The following ITGA6 variants were observed in gnomAD, a reference collection of about 807,000 sequenced individuals.
The protein encoded by ITGA6 is integrin subunit alpha 6.
In ITGA6, 63 loss-of-function variants were observed where a neutral mutation model predicts 133.6. The ratio of observed to expected loss-of-function variants is 0.47; its 90% confidence interval spans 0.38 to 0.58. The LOEUF (loss-of-function observed/expected upper bound fraction) is 0.58, where lower values mean the gene tolerates loss of function less well. Among genes scored for constraint, ITGA6 ranks in the 20% least tolerant of loss-of-function variants. ITGA6 has a pLI of 0.00. For synonymous variants in ITGA6, 434 were observed against 482.0 expected (o/e 0.90, Z 1.30); for missense variants, 1,068 against 1,309.4 (o/e 0.82, Z 2.85).
intron 18 of ITGA6, 22 bp from the exon 19 acceptor site, chr2:172,488,104 C>G: frequency 1.2e-6 from 2 of 1,609,854 alleles, no homozygotes; most frequent in Non-Finnish European, 1.7e-6. Flanking sequence ...CTCATTAAAA[C>G]TGGTGTTTTT....
Position 172,456,552 on chromosome 2 carries a change from A to G in ITGA6, c.183-8987A>G, listed in dbSNP as rs115600897. ...GTATGATCCAGGACTGTCCTGGGGAAACCTGGACATATGGCCAGCCTAGCT... is the reference window on the plus strand; with the variant it reads ...GTATGATCCAGGACTGTCCTGGGGAGACCTGGACATATGGCCAGCCTAGCT... On this transcript the variant is annotated intron_variant, in intron 1 of 25. Coordinates refer to ENST00000684293, the MANE Select transcript of ITGA6 (RefSeq NM_000210.4). Among the ~76,000 whole-genome samples, 1,254 of 152,334 alleles carry G rather than the reference A, an allele frequency of 8.2e-3. 11 individuals are homozygous for G. Among genetic ancestry groups the G allele is most frequent in the African/African-American group, 0.028 (1,166 of 41,572 alleles).
At chr2:172,485,958 C>T (rs1489558405) in intron 13 of ITGA6, among the ~76,000 whole-genome samples, 1 of 152,150 alleles carries the variant, frequency 6.6e-6, no homozygotes, top group African/African-American at 2.4e-5. Flanking sequence ...GGGCAGGTCA[C>T]TTGAGGTTAG....
intron 1 of ITGA6, among the ~76,000 whole-genome samples, chr2:172,445,262 G>A (rs566449551): frequency 1.7e-4 from 25 of 151,350 alleles, no homozygotes; most frequent in Admixed American, 1.2e-3. Flanking sequence ...CACTGTGCCC[G>A]GCTGGTATTT....
chr2:172,475,235 A>G, intron 7 of ITGA6, 113 bp downstream of exon 7: 1 of 769,148 alleles, frequency 1.3e-6, no homozygotes, highest in Non-Finnish European at 2.3e-6. Flanking sequence ...TGGGAGGCTG[A>G]GGTGGGCGGA....
At chr2:172,431,385 T>C (rs1574307773) in intron 1 of ITGA6, among the ~76,000 whole-genome samples, 2 of 152,322 alleles carry the variant, frequency 1.3e-5, no homozygotes, top group East Asian at 3.9e-4. Flanking sequence ...AGCATCTGAA[T>C]TTTGGAAGTG....
At chr2:172,430,506 G>A (rs1388528416) in intron 1 of ITGA6, among the ~76,000 whole-genome samples, 2 of 152,202 alleles carry the variant, frequency 1.3e-5, no homozygotes, top group Non-Finnish European at 2.9e-5. Context: ...GGAAGGAGAA[G>A]TAAAATATCA....
chr2:172,474,183 C>G lies in ITGA6; in HGVS notation c.904C>G (p.Leu302Val). 1 of 1,614,120 alleles carries G rather than the reference C, an allele frequency of 6.2e-7. No homozygotes were observed. The highest frequency in any genetic ancestry group is 8.5e-7 in the Non-Finnish European group (1 of 1,180,024). Residue 302 changes from leucine to valine, a missense_variant, in exon 6 of 26, where the codon CTC becomes GTC. Transcript: ENST00000684293. ...GAGAGACATGAAGTCTGCACATCTC[C>G]TCCCTGAGCACATATTCGATGGAGA... The part of the protein sequence containing the change: ...LKRDMKSAHL[L>V]PEHIFDGEGL...
chr2:172,464,131 A>C, intron 1 of ITGA6: 1 of 152,296 alleles, frequency 6.6e-6, no homozygotes, highest in Non-Finnish European at 1.5e-5. Flanking sequence ...TGCTGGGGCT[A>C]TGTGTTATCC....
At chr2:172,483,541 TA>T (rs969348357) in intron 11 of ITGA6, among the ~76,000 whole-genome samples, 2 of 152,308 alleles carry the variant, frequency 1.3e-5, no homozygotes, top group Non-Finnish European at 2.9e-5. Flanking sequence ...TTAATGAATG[TA>T]AGTAATTTAA....
intron 5 of ITGA6, among the ~76,000 whole-genome samples, chr2:172,471,418 C>T (rs139637928): frequency 2.0e-5 from 3 of 152,292 alleles, no homozygotes; most frequent in East Asian, 3.9e-4. Flanking sequence ...TGAAACAGGC[C>T]GCTCATGCAG....
chr2:172,437,808 A>C (rs1198111937), intron 1 of ITGA6, among the ~76,000 whole-genome samples: 2 of 151,804 alleles, frequency 1.3e-5, no homozygotes, highest in African/African-American at 4.8e-5. Context: ...GGTTAGGGAG[A>C]GCCCTGGAGA....
Position 172,427,938 on chromosome 2 carries a change from G to A in ITGA6, c.150G>A (p.Met50Ile), listed in dbSNP as rs751546962. The A allele has an allele frequency of 7.5e-6, 12 of 1,606,712 alleles. No homozygotes were observed. Among genetic ancestry groups the A allele is most frequent in the Non-Finnish European group, 1.0e-5 (12 of 1,177,044 alleles). Reference protein sequence around the residue: ...PGSLFGFSLAMHWQLQPEDKR... With the variant: ...PGSLFGFSLAIHWQLQPEDKR... ...GCCTCTTCGGCTTCTCGCTGGCCAT[G>A]CACTGGCAACTGCAGCCCGAGGACA... The change falls in exon 1 of 26, where the codon ATG becomes ATA. Residue 50 changes from methionine to isoleucine, a missense_variant. Transcript: ENST00000684293.
At chr2:172,490,881 C>G in intron 20 of ITGA6, 143 bp from the exon 21 acceptor site, 1 of 670,922 alleles carries the variant, frequency 1.5e-6, no homozygotes, top group Non-Finnish European at 2.7e-6. Flanking sequence ...TTTACACTTA[C>G]TTCTGTGCCT....
intron 1 of ITGA6, among the ~76,000 whole-genome samples, chr2:172,443,502 G>A (rs1007441270): frequency 1.3e-5 from 2 of 152,188 alleles, no homozygotes; most frequent in African/African-American, 4.8e-5. Context: ...TTCTGGAGGA[G>A]TGGCTGCCCT....
chr2:172,487,845 C>T (rs1177233829), intron 17 of ITGA6, 38 bp downstream of exon 17: 1 of 1,523,248 alleles, frequency 6.6e-7, no homozygotes, highest in Non-Finnish European at 9.1e-7. Flanking sequence ...AGAATTATTT[C>T]ATGAAAATAT....
At chr2:172,464,726 G>T in intron 1 of ITGA6, among the ~76,000 whole-genome samples, 1 of 152,188 alleles carries the variant, frequency 6.6e-6, no homozygotes. Flanking sequence ...CTCGGCTGGG[G>T]AGAAGAAGGA....
chr2:172,475,536 C>A, intron 7 of ITGA6, 61 bp from the exon 8 acceptor site: 1 of 933,788 alleles, frequency 1.1e-6, no homozygotes, highest in Non-Finnish European at 1.8e-6. Flanking sequence ...TACTTTAAAA[C>A]ATTTTACTAG....
intron 23 of ITGA6, among the ~76,000 whole-genome samples, chr2:172,496,364 G>A (rs1687128379): frequency 6.6e-6 from 1 of 152,184 alleles, no homozygotes; most frequent in South Asian, 2.1e-4. Context: ...GTTACCATCA[G>A]TATAATTGGC....
chr2:172,489,733 C>T (rs142401092), intron 20 of ITGA6, 75 bp downstream of exon 20: 1 of 1,310,776 alleles, frequency 7.6e-7, no homozygotes, highest in Non-Finnish European at 1.1e-6. Context: ...AAAATCATTA[C>T]TGTTCTTAGG....
Sources: allele counts gnomAD v4.1 joint callset (sites outside exome capture counted in the v4.1 genomes callset), GRCh38; gene constraint gnomAD v4.1.1; transcripts MANE v1.5; gene names NCBI Gene and HGNC (gene_info 2026-07-23, HGNC 2026-07-21).